The following RAD51B variants were observed in gnomAD, a reference collection of about 807,000 sequenced individuals.
RAD51B encodes RAD51 paralog B, also known as DNA repair protein RAD51 homolog 2.
In RAD51B, 38 loss-of-function variants were observed where a neutral mutation model predicts 42.2. That is an observed-to-expected ratio of 0.90 (90% CI 0.70 to 1.18). The LOEUF (loss-of-function observed/expected upper bound fraction) is 1.18, where lower values mean the gene tolerates loss of function less well. Among genes scored for constraint, RAD51B ranks in the 50% most tolerant of loss-of-function variants. RAD51B has a pLI of 0.00. For synonymous variants in RAD51B, 154 were observed against 145.2 expected (o/e 1.06, Z -0.43); for missense variants, 373 against 400.7 (o/e 0.93, Z 0.59).
At position 67,920,350 on chromosome 14, in the gene RAD51B, T is replaced by G. The variant is rs1043822711; in HGVS notation, c.756+33146T>G. On this transcript the variant is annotated intron_variant, in intron 7 of 10. Transcript: ENST00000471583. ...TGGAGATTGATTAAAAAATACAAAT[T>G]TTACTGTTTAAAGAATGTTGCCTAA... 2.0e-5 allele frequency among the ~76,000 whole-genome samples: 3 copies of G among 152,168 alleles called. No individual in the cohort carries two copies. The East Asian group carries it at 5.8e-4, about 29-fold the overall frequency.
chr14:68,036,570 C>T (rs2076126194), intron 7 of RAD51B, among the ~76,000 whole-genome samples: 1 of 152,156 alleles, frequency 6.6e-6, no homozygotes. Context: ...ATTAACTTTT[C>T]TCTCTTTATA....
chr14:68,379,205 A>G (rs1258568650), intron 8 of RAD51B, among the ~76,000 whole-genome samples: 2 of 152,244 alleles, frequency 1.3e-5, no homozygotes, highest in Admixed American at 6.5e-5. Context: ...TTCCTGGTAC[A>G]TAAAGGAACT....
intron 7 of RAD51B, among the ~76,000 whole-genome samples, chr14:68,047,521 A>G (rs10136868): frequency 0.28 from 42,435 of 152,100 alleles, 7,843 homozygotes; most frequent in African/African-American, 0.53. Context: ...GACAGCTTTC[A>G]AGTGTGTTTC....
intron 8 of RAD51B, among the ~76,000 whole-genome samples, chr14:68,320,963 C>G (rs2082146688): frequency 6.6e-6 from 1 of 152,178 alleles, no homozygotes; most frequent in Admixed American, 6.5e-5. Context: ...TCCTCCAACT[C>G]TTAACACATC....
chr14:68,483,540 C>T (rs1883367062), intron 10 of RAD51B, among the ~76,000 whole-genome samples: 1 of 152,140 alleles, frequency 6.6e-6, no homozygotes, highest in Non-Finnish European at 1.5e-5. Flanking sequence ...CAAGATAGAA[C>T]AACTAGTTTG....
chr14:68,647,623 C>G (rs1355824477), intron 10 of RAD51B, among the ~76,000 whole-genome samples: 1 of 152,150 alleles, frequency 6.6e-6, no homozygotes, highest in Admixed American at 6.5e-5. Flanking sequence ...ACACAGTCCT[C>G]ACCACATTAT....
chr14:68,116,535 T>C (rs544829036), intron 7 of RAD51B, among the ~76,000 whole-genome samples: 2 of 152,286 alleles, frequency 1.3e-5, no homozygotes, highest in Non-Finnish European at 2.9e-5. Flanking sequence ...GAATCTGCCC[T>C]TCGATTAGTG....
At chr14:67,829,230 A>ATTTTC (rs1307807291) in intron 3 of RAD51B, among the ~76,000 whole-genome samples, 2 of 148,326 alleles carry the variant, frequency 1.3e-5, no homozygotes, top group Non-Finnish European at 3.0e-5. Context: ...ATTGCTAGGT[A>ATTTTC]TTTTCTTTTC....
At chr14:68,164,886 G>T (rs534418402) in intron 7 of RAD51B, among the ~76,000 whole-genome samples, 12 of 152,144 alleles carry the variant, frequency 7.9e-5, no homozygotes, top group Non-Finnish European at 1.2e-4. Flanking sequence ...GTGGCCAAAG[G>T]TCCTAGCTGT....
At chr14:67,849,965 A>G (rs1264405543) in intron 4 of RAD51B, among the ~76,000 whole-genome samples, 2 of 152,074 alleles carry the variant, frequency 1.3e-5, no homozygotes, top group Non-Finnish European at 2.9e-5. Context: ...CAGCATTCTT[A>G]TGTTGCTTCC....
chr14:68,236,776 T>C (rs557205795), intron 7 of RAD51B, among the ~76,000 whole-genome samples: 1 of 152,124 alleles, frequency 6.6e-6, no homozygotes, highest in Non-Finnish European at 1.5e-5. Context: ...AGTTGGGGAG[T>C]TGTTCTCTGA....
intron 10 of RAD51B, among the ~76,000 whole-genome samples, chr14:68,555,579 A>G (rs931880862): frequency 4.3e-4 from 66 of 152,266 alleles, no homozygotes; most frequent in African/African-American, 1.6e-3. Context: ...GCCTTTGGGG[A>G]CAGCAGGGCG....
intron 7 of RAD51B, among the ~76,000 whole-genome samples, chr14:68,080,760 G>A (rs969144845): frequency 1.3e-5 from 2 of 152,154 alleles, no homozygotes; most frequent in Non-Finnish European, 2.9e-5. Context: ...TCCTCAACAT[G>A]TATGTGCCTG....
At chr14:68,259,952 C>T (rs2080842958) in intron 7 of RAD51B, among the ~76,000 whole-genome samples, 1 of 152,132 alleles carries the variant, frequency 6.6e-6, no homozygotes, top group Admixed American at 6.5e-5. Flanking sequence ...GAGGTCCTGT[C>T]CTCAAGGAGC....
intron 9 of RAD51B, among the ~76,000 whole-genome samples, chr14:68,414,337 T>A (rs1290091123): frequency 1.3e-5 from 2 of 152,240 alleles, no homozygotes; most frequent in African/African-American, 4.8e-5. Flanking sequence ...TTTAGCTTTT[T>A]TTCCATTTGA....
intron 8 of RAD51B, among the ~76,000 whole-genome samples, chr14:68,375,425 C>T (rs911767443): frequency 1.3e-5 from 2 of 152,102 alleles, no homozygotes; most frequent in African/African-American, 4.8e-5. Flanking sequence ...TCGTTGACAC[C>T]TAGTGTGTGT....
In RAD51B at chr14:68,072,076, TA is replaced by T. The variant is rs2076754744; in HGVS notation, c.756+184875del. 1.7e-5 allele frequency among the ~76,000 whole-genome samples: 2 copies of T among 118,682 alleles called. 1 individual carries two copies. Among genetic ancestry groups the T allele is most frequent in the African/African-American group, 6.9e-5 (2 of 28,828 alleles). The allele number at this position is 118,682 out of a possible 152,430, so 77.9% of individuals were successfully genotyped here. ...AATTATATATATTTATATAAATATA[TA>T]AATATATATAAATATATAATATATA... On this transcript the variant is annotated intron_variant, in intron 7 of 10. Coordinates refer to ENST00000471583, the MANE Select transcript of RAD51B (RefSeq NM_133510.4).
At chr14:68,197,265 T>C (rs2767377) in intron 7 of RAD51B, among the ~76,000 whole-genome samples, 106,678 of 152,086 alleles carry the variant, frequency 0.7, 41,110 homozygotes, top group East Asian at 0.98. Context: ...TTCCTGTGCT[T>C]GAAACTCACA....
chr14:68,093,890 G>T (rs1014481562), intron 7 of RAD51B, among the ~76,000 whole-genome samples: 4 of 152,134 alleles, frequency 2.6e-5, no homozygotes, highest in African/African-American at 9.7e-5. Flanking sequence ...GGGTCATCAA[G>T]CATACACACC....
Sources: allele counts gnomAD v4.1 joint callset (sites outside exome capture counted in the v4.1 genomes callset), GRCh38; gene constraint gnomAD v4.1.1; transcripts MANE v1.5; gene names NCBI Gene and HGNC (gene_info 2026-07-23, HGNC 2026-07-21).